QSER1: variants seen among roughly 807,000 people sequenced by gnomAD.
The protein encoded by QSER1 is glutamine and serine rich 1.
Under a neutral mutation model 158.5 loss-of-function variants are expected in QSER1, and 49 were observed. The ratio of observed to expected loss-of-function variants is 0.31; its 90% CI spans 0.25 to 0.39. QSER1 has a LOEUF of 0.39. Ranked by LOEUF, QSER1 falls within the 10% of genes least tolerant of loss-of-function variation. The pLI, the probability that QSER1 is intolerant of heterozygous loss-of-function variation, is 1.00. For missense variants in QSER1, 1,754 were observed against 2,010.3 expected (o/e 0.87, Z 2.44); for synonymous variants, 650 against 715.5 (o/e 0.91, Z 1.46).
intron 1 of QSER1, 154 bp from the exon 2 acceptor site, chr11:32,927,003 T>A (rs1851981223): frequency 6.6e-6 from 1 of 152,546 alleles, no homozygotes; most frequent in Non-Finnish European, 1.5e-5. Flanking sequence ...TCCTCCATTG[T>A]GATAGTATTG....
In QSER1 at chr11:32,934,322, T is replaced by C; in HGVS notation, c.3064T>C (p.Ser1022Pro). 6.2e-7 allele frequency: 1 copy of C among 1,614,006 alleles called. No individual in the cohort carries two copies. Among genetic ancestry groups the C allele is most frequent in the Non-Finnish European group, 8.5e-7 (1 of 1,179,992 alleles). The change falls in exon 4 of 13, where the codon TCA becomes CCA. Residue 1022 changes from serine to proline, a missense_variant. Ser to Pro is a moderately conservative substitution (Grantham distance 74). Transcript: ENST00000650167. The stretch of plus-strand genomic sequence containing the variant: ...TGATTCTAAATCTCATTTTCAGCAG[T>C]CATTAGATGTCAGGCATGTGACTTC... ...DGDSKSHFQQ[S>P]LDVRHVTSDF...
chr11:32,954,376 C>G (rs543225106), intron 5 of QSER1, among the ~76,000 whole-genome samples, 197 bp downstream of exon 5: 1 of 152,030 alleles, frequency 6.6e-6, no homozygotes, highest in African/African-American at 2.4e-5. Context: ...CTTAGTTGTA[C>G]GTATTTCTGT....
chr11:32,920,883 T>A (rs142542854), intron 1 of QSER1, among the ~76,000 whole-genome samples: 37 of 152,300 alleles, frequency 2.4e-4, no homozygotes, highest in African/African-American at 8.9e-4. Context: ...AAATTATAAC[T>A]TATACTTTGC....
chr11:32,920,393 CTAAA>C (rs1851885535), intron 1 of QSER1, among the ~76,000 whole-genome samples: 1 of 152,028 alleles, frequency 6.6e-6, no homozygotes, highest in Non-Finnish European at 1.5e-5. Context: ...ATCTGTCATC[CTAAA>C]TGTAAAAGCT....
chr11:32,904,196 T>C (rs543307878), intron 1 of QSER1, among the ~76,000 whole-genome samples: 147 of 151,424 alleles, frequency 9.7e-4, no homozygotes, highest in African/African-American at 3.4e-3. Context: ...TTTCTTTTTT[T>C]TTTTTTTTTG....
At chr11:32,901,606 A>G (rs751060832) in intron 1 of QSER1, among the ~76,000 whole-genome samples, 3 of 152,160 alleles carry the variant, frequency 2.0e-5, no homozygotes, top group Non-Finnish European at 4.4e-5. Context: ...GCACAGCATC[A>G]CTTCTGCCAG....
At position 32,976,811 on chromosome 11, in the gene QSER1, CACTT is replaced by C. The variant is rs201014994; in HGVS notation, c.*339_*342del. The C allele has an allele frequency of 7.9e-4, 168 of 212,578 alleles. 1 individual carries two copies. The East Asian group carries it at 0.022, about 28-fold the overall frequency. The allele number at this position is 212,578 out of a possible 1,614,324, so 13.2% of individuals were successfully genotyped here. ...TTTTTTTTTATTGCTAGAGAAGTAA[CACTT>C]AAAGTAACGATTTTTTTTTTCTGAC... On this transcript the variant is annotated 3_prime_UTR_variant, in exon 13 of 13. Coordinates refer to ENST00000650167, the MANE Select transcript of QSER1 (RefSeq NM_001076786.3).
At chr11:32,950,881 G>T (rs1852409843) in intron 4 of QSER1, among the ~76,000 whole-genome samples, 1 of 152,124 alleles carries the variant, frequency 6.6e-6, no homozygotes, top group Non-Finnish European at 1.5e-5. Flanking sequence ...TAATAATATG[G>T]ATATACCACA....
At chr11:32,975,538 G>T (rs1265870824) in intron 12 of QSER1, 195 bp downstream of exon 12, 27 of 1,439,124 alleles carry the variant, frequency 1.9e-5, no homozygotes, top group Non-Finnish European at 2.2e-5. Context: ...ATTTACCCGA[G>T]CCTCACCACC....
chr11:32,941,729 C>T (rs1470780605), intron 4 of QSER1, among the ~76,000 whole-genome samples: 2 of 152,106 alleles, frequency 1.3e-5, no homozygotes, highest in African/African-American at 2.4e-5. Flanking sequence ...TGATTTATAG[C>T]CCTTTGGGTA....
In QSER1 at chr11:32,930,043, C is replaced by T. The variant is rs565018504; in HGVS notation, c.485-1700C>T. ...ATGATTTGACATATGTGACATAAAA[C>T]ACCTCATAATAACGACTAAAACTGA... On this transcript the variant is annotated intron_variant, in intron 3 of 12. Coordinates refer to ENST00000650167, the MANE Select transcript of QSER1 (RefSeq NM_001076786.3). Among the ~76,000 whole-genome samples, 70 of 152,322 alleles carry T rather than the reference C, an allele frequency of 4.6e-4. 1 individual carries two copies. The South Asian group carries it at 0.014, about 31-fold the overall frequency.
In QSER1 at chr11:32,933,057, C is replaced by T; in HGVS notation, c.1799C>T (p.Pro600Leu). The change falls in exon 4 of 13, where the codon CCT (proline) becomes CTT (leucine). Residue 600 changes from proline (P) to leucine (L), a missense_variant. By Grantham distance (98) the Pro-to-Leu change is moderately conservative (BLOSUM62 -3). Transcript: ENST00000650167. Reference sequence around the variant, plus strand: ...GGGGAGTCCCTAACATTAACAGCCCCTTCTCTTTCTTATTCTTCTGCCTCT... The same window carrying T: ...GGGGAGTCCCTAACATTAACAGCCCTTTCTCTTTCTTATTCTTCTGCCTCT... ...ASGESLTLTAPSLSYSSASRA... is the reference protein window; with the variant it reads ...ASGESLTLTALSLSYSSASRA... 1 of 1,613,388 alleles carries T rather than the reference C, an allele frequency of 6.2e-7. No homozygotes were observed. Among genetic ancestry groups the T allele is most frequent in the Admixed American group, 1.7e-5 (1 of 59,982 alleles).
At chr11:32,894,790 A>C (rs1590701774) in intron 1 of QSER1, among the ~76,000 whole-genome samples, 2 of 152,384 alleles carry the variant, frequency 1.3e-5, no homozygotes, top group South Asian at 4.1e-4. Context: ...GAAACCTTTC[A>C]GAAATAGCCA....
Position 32,906,308 on chromosome 11 carries a change from G to A in QSER1, c.209+12974G>A, listed in dbSNP as rs565167752. The stretch of plus-strand genomic sequence containing the variant: ...GTGGTGGTGCATGCCTGTAATCCCA[G>A]CTACTTGGGAGGCTGAGGCAGGAGA... On this transcript the variant is annotated intron_variant, in intron 1 of 12. Coordinates refer to ENST00000650167, the MANE Select transcript of QSER1 (RefSeq NM_001076786.3). Among the ~76,000 whole-genome samples the A allele has an allele frequency of 3.3e-5, 5 of 152,170 alleles. No homozygotes were observed. In the South Asian group the frequency reaches 1.0e-3, roughly 32 times the overall value.
chr11:32,945,696 A>C, intron 4 of QSER1, among the ~76,000 whole-genome samples: 1 of 149,008 alleles, frequency 6.7e-6, no homozygotes, highest in Non-Finnish European at 1.5e-5. Context: ...AACTTTGGTG[A>C]ATCTGACAAT....
rs758333024 is a variant in QSER1 at position 32,931,762 on chromosome 11, A to C, written c.504A>C (p.Ala168=). The C allele has an allele frequency of 1.2e-6, 2 of 1,604,470 alleles. No individual in the cohort carries two copies. The highest frequency in any genetic ancestry group is 2.7e-5 in the African/African-American group (2 of 74,542). ...SWQTGMHSSA[A]TELFATGPLP... is the part of the protein sequence containing the mutation. Reference sequence around the variant, plus strand: ...TCATAGGCATGCATTCCTCAGCAGCAACTGAGCTGTTTGCTACTGGACCTT... The same window carrying C: ...TCATAGGCATGCATTCCTCAGCAGCCACTGAGCTGTTTGCTACTGGACCTT... Residue 168 remains alanine, a synonymous_variant, in exon 4 of 13, where the codon GCA becomes GCC. Transcript: ENST00000650167.
At position 32,947,507 on chromosome 11, in the gene QSER1, A is replaced by G. The variant is rs138675546; in HGVS notation, c.4178-6350A>G. Reference sequence around the variant, plus strand: ...TGTGTATATTTTGGAGATAAATGACATGTATGGAATTTGGCTTAAAATAGC... The same window carrying G: ...TGTGTATATTTTGGAGATAAATGACGTGTATGGAATTTGGCTTAAAATAGC... On this transcript the variant is annotated intron_variant, in intron 4 of 12. Coordinates refer to ENST00000650167, the MANE Select transcript of QSER1 (RefSeq NM_001076786.3). Among the ~76,000 whole-genome samples, 5 of 152,330 alleles carry G rather than the reference A, an allele frequency of 3.3e-5. No individual in the cohort carries two copies. In the East Asian group the frequency reaches 9.6e-4, roughly 29 times the overall value.
Position 32,934,622 on chromosome 11 carries a change from G to A in QSER1, c.3364G>A (p.Ala1122Thr). 6.2e-7 allele frequency: 1 copy of A among 1,613,698 alleles called. No homozygotes were observed. The change falls in exon 4 of 13, where the codon GCT (alanine) becomes ACT (threonine). Residue 1122 changes from alanine (A) to threonine (T), a missense_variant. This residue lies in a region of QSER1 where 1,707 missense variants were observed against 1,919.6 expected (regional missense o/e 0.89). Coordinates refer to ENST00000650167, the MANE Select transcript of QSER1 (RefSeq NM_001076786.3). ...TNLESEEDSE[A>T]PVDSTLNNNR... ...TCTTGAATCTGAAGAAGACAGTGAA[G>A]CTCCTGTTGATAGTACATTAAATAA...
At chr11:32,914,983 G>C (rs977987167) in intron 1 of QSER1, among the ~76,000 whole-genome samples, 1 of 152,134 alleles carries the variant, frequency 6.6e-6, no homozygotes, top group Non-Finnish European at 1.5e-5. Context: ...GTAGCGGCCT[G>C]ATCATGGCTC....
Sources: gnomAD v4.1 joint callset for allele counts (sites outside exome capture counted in the v4.1 genomes callset) on GRCh38, gnomAD v4.1.1 for gene constraint, gnomAD v4.1.1 regional missense constraint, MANE v1.5 for transcripts, NCBI Gene and HGNC (gene_info 2026-07-23, HGNC 2026-07-21) for gene names.